Variants in VPS13B observed in about 807,000 individuals in gnomAD.
VPS13B encodes the protein vacuolar protein sorting 13 homolog B.
VPS13B carries 285 observed loss-of-function variants against 426.4 expected under a neutral mutation model. The observed-to-expected ratio is 0.67, with a 90% CI of 0.61 to 0.74. The LOEUF (loss-of-function observed/expected upper bound fraction) is 0.74. VPS13B is among the 30% of genes least tolerant of loss of function. VPS13B has a pLI of 0.00. For synonymous variants in VPS13B, 1,676 were observed against 1,676.4 expected (o/e 1.00, Z 0.01); for missense variants, 4,537 against 4,782.6 (o/e 0.95, Z 1.51).
intron 19 of VPS13B, among the ~76,000 whole-genome samples, chr8:99,276,747 T>G (rs1818917574): frequency 6.6e-6 from 1 of 152,160 alleles, no homozygotes; most frequent in East Asian, 1.9e-4. Flanking sequence ...ATATATTGTT[T>G]AGTAAACTTC....
intron 42 of VPS13B, among the ~76,000 whole-genome samples, chr8:99,779,605 CT>C (rs774816388): frequency 3.3e-5 from 5 of 152,024 alleles, no homozygotes; most frequent in Non-Finnish European, 5.9e-5. Context: ...AATTTTTTAA[CT>C]TTTATTTCTT....
chr8:99,175,091 A>G (rs779514613), intron 16 of VPS13B, among the ~76,000 whole-genome samples: 5 of 152,230 alleles, frequency 3.3e-5, no homozygotes, highest in Admixed American at 6.5e-5. Context: ...CTTGCAGATA[A>G]ATGAAAAAAC....
Position 99,832,403 on chromosome 8 carries a change from T to A in VPS13B, c.9365T>A (p.Ile3122Asn), listed in dbSNP as rs1220141940. 6.4e-7 allele frequency: 1 copy of A among 1,558,262 alleles called. No homozygotes were observed. The highest frequency in any genetic ancestry group is 8.7e-7 in the Non-Finnish European group (1 of 1,150,866). The change falls in exon 52 of 62, where the codon ATT becomes AAT. Residue 3122 changes from isoleucine to asparagine, a missense_variant. Around this residue, in one of 2 missense-constraint regions of VPS13B, gnomAD observed 4,311 missense variants for 4,474.3 expected, o/e 0.96. Coordinates refer to ENST00000357162, the MANE Select transcript of VPS13B (RefSeq NM_152564.5). ...FRVPDSATFSICPGGEQPAMK... is the reference protein window; with the variant it reads ...FRVPDSATFSNCPGGEQPAMK... Reference sequence around the variant, plus strand: ...GTTCCAGACAGTGCTACTTTTAGCATTTGCCCAGGTGGAGAGCAGCCTGCT... The same window carrying A: ...GTTCCAGACAGTGCTACTTTTAGCAATTGCCCAGGTGGAGAGCAGCCTGCT...
At position 99,391,621 on chromosome 8, in the gene VPS13B, T is replaced by C. The variant is rs149970869; in HGVS notation, c.2999T>C (p.Ile1000Thr). ...AGAAGGAAAGAGGATGAGGTGTCTA[T>C]TGGAAGTGCCCCCTTGGCAAAGCAG... ...VCRRKEDEVS[I>T]GSAPLAKQQS... Residue 1000 changes from isoleucine (I) to threonine (T), a missense_variant, in exon 21 of 62, where the codon ATT becomes ACT. Transcript: ENST00000357162. 15 of 1,614,164 alleles carry C rather than the reference T, an allele frequency of 9.3e-6. No homozygotes were observed. Among genetic ancestry groups the C allele is most frequent in the African/African-American group, 2.7e-5 (2 of 75,060 alleles).
intron 19 of VPS13B, among the ~76,000 whole-genome samples, chr8:99,378,786 T>A (rs1045810541): frequency 6.6e-6 from 1 of 152,236 alleles, no homozygotes; most frequent in Non-Finnish European, 1.5e-5. Context: ...AACAGTGGTT[T>A]ATTTTCTGCA....
At chr8:99,395,959 T>C (rs532222799) in intron 21 of VPS13B, among the ~76,000 whole-genome samples, 1 of 152,094 alleles carries the variant, frequency 6.6e-6, no homozygotes, top group Admixed American at 6.5e-5. Context: ...AATAAAAAAA[T>C]TTAGTGGAAT....
chr8:99,866,882 A>G (rs201639123), intron 58 of VPS13B, among the ~76,000 whole-genome samples: 1 of 152,084 alleles, frequency 6.6e-6, no homozygotes, highest in East Asian at 1.9e-4. Flanking sequence ...CTGTGGTACT[A>G]AAAGAGTGAC....
At chr8:99,746,000 T>G (rs1210295025) in intron 39 of VPS13B, among the ~76,000 whole-genome samples, 1 of 152,114 alleles carries the variant, frequency 6.6e-6, no homozygotes, top group African/African-American at 2.4e-5. Flanking sequence ...TTATATTAGT[T>G]GATATGTTTC....
chr8:99,788,603 CTG>C (rs1487286526), intron 43 of VPS13B, among the ~76,000 whole-genome samples: 1 of 152,114 alleles, frequency 6.6e-6, no homozygotes, highest in Non-Finnish European at 1.5e-5. Context: ...CTACTCAACT[CTG>C]TGTAAAATCA....
At chr8:99,427,284 G>T (rs1342623670) in intron 21 of VPS13B, among the ~76,000 whole-genome samples, 2 of 109,376 alleles carry the variant, frequency 1.8e-5, no homozygotes, top group African/African-American at 7.4e-5. Flanking sequence ...TCTCTGTTTT[G>T]GTACCAGTAC....
At chr8:99,216,835 C>G (rs543315689) in intron 17 of VPS13B, among the ~76,000 whole-genome samples, 4 of 151,640 alleles carry the variant, frequency 2.6e-5, no homozygotes, top group African/African-American at 9.7e-5. Flanking sequence ...ATTGATTTCA[C>G]CTGTTTTTAC....
At chr8:99,846,329 G>A (rs1464429290) in intron 54 of VPS13B, among the ~76,000 whole-genome samples, 1 of 152,180 alleles carries the variant, frequency 6.6e-6, no homozygotes, top group Non-Finnish European at 1.5e-5. Flanking sequence ...TCGCCAACTA[G>A]GCTGTGAGCA....
At chr8:99,020,600 AT>A (rs925753375) in intron 2 of VPS13B, among the ~76,000 whole-genome samples, 1 of 152,072 alleles carries the variant, frequency 6.6e-6, no homozygotes, top group Non-Finnish European at 1.5e-5. Context: ...TTTTCTTCTA[AT>A]TTTTTTGTTC....
chr8:99,502,611 A>C lies in VPS13B; in HGVS notation c.4043-225A>C, dbSNP rs1021265. On this transcript the variant is annotated intron_variant, in intron 26 of 61. Coordinates refer to ENST00000357162, the MANE Select transcript of VPS13B (RefSeq NM_152564.5). The stretch of plus-strand genomic sequence containing the variant: ...ATTGGGAAAATCCTTGACTGATATC[A>C]AATATAACACTCCAGACATTAACTG... Among the ~76,000 whole-genome samples the C allele has an allele frequency of 5.8e-4, 88 of 152,298 alleles. 1 individual carries two copies. The East Asian group carries it at 0.016, about 28-fold the overall frequency.
At chr8:99,608,771 C>T (rs1280154838) in intron 33 of VPS13B, among the ~76,000 whole-genome samples, 1 of 152,034 alleles carries the variant, frequency 6.6e-6, no homozygotes, top group Non-Finnish European at 1.5e-5. Context: ...TTGTGGCTGG[C>T]TTCATTCACC....
At chr8:99,094,138 G>A (rs376005939) in intron 3 of VPS13B, 2 of 152,088 alleles carry the variant, frequency 1.3e-5, no homozygotes, top group African/African-American at 4.8e-5. Context: ...TCTATATACA[G>A]TATGTGATTT....
chr8:99,121,227 G>A lies in VPS13B; in HGVS notation c.988G>A (p.Gly330Ser). ...TATGCAATATCCTGCTCAGCATAAA[G>A]GTCAAGAGTTATATTCACAGCAAGA... ...IDMQYPAQHK[G>S]QELYSQQDEE... The change falls in exon 8 of 62, where the codon GGT becomes AGT. Residue 330 changes from glycine (G) to serine (S), a missense_variant. Around this residue, in one of 2 missense-constraint regions of VPS13B, gnomAD observed 4,311 missense variants for 4,474.3 expected, o/e 0.96. Transcript: ENST00000357162. 3 of 1,614,070 alleles carry A rather than the reference G, an allele frequency of 1.9e-6. No individual in the cohort carries two copies. Among genetic ancestry groups the A allele is most frequent in the Admixed American group, 1.7e-5 (1 of 60,014 alleles).
intron 39 of VPS13B, among the ~76,000 whole-genome samples, chr8:99,760,147 T>A (rs777931024): frequency 5.9e-5 from 9 of 151,920 alleles, no homozygotes; most frequent in East Asian, 1.9e-4. Context: ...TGGCTATTTT[T>A]TTATTATTAT....
intron 31 of VPS13B, among the ~76,000 whole-genome samples, chr8:99,564,157 A>G (rs1254646692): frequency 1.3e-5 from 2 of 152,198 alleles, no homozygotes; most frequent in Non-Finnish European, 2.9e-5. Context: ...TAAAACTTGA[A>G]GATCTTCTGT....
Sources: gnomAD v4.1 joint callset for allele counts (sites outside exome capture counted in the v4.1 genomes callset) on GRCh38, gnomAD v4.1.1 for gene constraint, gnomAD v4.1.1 regional missense constraint, MANE v1.5 for transcripts, NCBI Gene and HGNC (gene_info 2026-07-23, HGNC 2026-07-21) for gene names.